The following RAPGEF4 variants were observed in gnomAD, a reference collection of about 807,000 sequenced individuals.
RAPGEF4 encodes RAP guanine-nucleotide-exchange factor (GEF) 4.
A neutral mutation model predicts 147.9 loss-of-function variants in RAPGEF4; 66 were observed. The observed-to-expected ratio is 0.45, with a 90% CI of 0.37 to 0.55. The LOEUF is 0.55. Ranked by LOEUF, RAPGEF4 falls within the 20% of genes least tolerant of loss-of-function variation. RAPGEF4 has a pLI of 0.00. For missense variants in RAPGEF4, 1,071 were observed against 1,257.3 expected (o/e 0.85, Z 2.24); for synonymous variants, 419 against 442.7 (o/e 0.95, Z 0.67).
intron 4 of RAPGEF4, among the ~76,000 whole-genome samples, chr2:172,854,680 GATTA>G (rs1450580105): frequency 1.3e-5 from 2 of 151,674 alleles, no homozygotes; most frequent in Non-Finnish European, 1.5e-5. Context: ...CCTTATTTTG[GATTA>G]ATTAATTTTT....
At chr2:172,743,610 A>G (rs1191751168) in intron 1 of RAPGEF4, among the ~76,000 whole-genome samples, 1 of 152,214 alleles carries the variant, frequency 6.6e-6, no homozygotes, top group Non-Finnish European at 1.5e-5. Context: ...TCTGCTATAG[A>G]GGCTAGAAAA....
intron 4 of RAPGEF4, chr2:172,822,086 A>G (rs749710379): frequency 6.6e-5 from 90 of 1,364,190 alleles, no homozygotes; most frequent in Non-Finnish European, 6.1e-5. Context: ...GGCTTTTCTA[A>G]TTATGTTCCA....
At chr2:172,898,516 G>A (rs1037228378) in intron 4 of RAPGEF4, among the ~76,000 whole-genome samples, 8 of 152,098 alleles carry the variant, frequency 5.3e-5, no homozygotes, top group Admixed American at 2.0e-4. Flanking sequence ...AACATCTTCC[G>A]TCATTGCAAA....
chr2:173,045,695 C>T (rs1685383890), intron 29 of RAPGEF4, among the ~76,000 whole-genome samples: 1 of 152,174 alleles, frequency 6.6e-6, no homozygotes, highest in East Asian at 1.9e-4. Context: ...AAGACTTTAA[C>T]TCAAAATGAT....
chr2:172,914,734 C>T (rs1446815069), intron 4 of RAPGEF4, among the ~76,000 whole-genome samples: 1 of 152,164 alleles, frequency 6.6e-6, no homozygotes, highest in Non-Finnish European at 1.5e-5. Flanking sequence ...TTTTACACTG[C>T]TATAAGCAAT....
At chr2:172,889,601 G>T (rs1187139662) in intron 4 of RAPGEF4, among the ~76,000 whole-genome samples, 1 of 151,634 alleles carries the variant, frequency 6.6e-6, no homozygotes, top group Admixed American at 6.6e-5. Flanking sequence ...CGCAAGGACA[G>T]GCTTTAATCA....
intron 10 of RAPGEF4, among the ~76,000 whole-genome samples, chr2:172,975,486 C>T (rs188918771): frequency 2.6e-5 from 4 of 152,174 alleles, no homozygotes; most frequent in African/African-American, 7.2e-5. Context: ...CAGCAGTATA[C>T]GTGGCTGAAC....
intron 16 of RAPGEF4, among the ~76,000 whole-genome samples, chr2:172,996,887 A>G (rs1322284876): frequency 6.6e-6 from 1 of 152,166 alleles, no homozygotes; most frequent in Non-Finnish European, 1.5e-5. Context: ...ATTCCCACGA[A>G]GGATTTGAAG....
At chr2:172,787,440 A>T (rs554292025) in intron 1 of RAPGEF4, among the ~76,000 whole-genome samples, 11 of 152,206 alleles carry the variant, frequency 7.2e-5, no homozygotes, top group African/African-American at 2.6e-4. Flanking sequence ...TGACTGTTAA[A>T]TTCATCTTGG....
chr2:172,800,006 A>G (rs1478128666), intron 3 of RAPGEF4, among the ~76,000 whole-genome samples: 1 of 152,210 alleles, frequency 6.6e-6, no homozygotes, highest in Non-Finnish European at 1.5e-5. Flanking sequence ...GTTATTAGCT[A>G]CAGATTCAAC....
chr2:172,956,223 C>T (rs1220499230), intron 6 of RAPGEF4, among the ~76,000 whole-genome samples: 1 of 152,104 alleles, frequency 6.6e-6, no homozygotes, highest in African/African-American at 2.4e-5. Context: ...CCCTCTGTCC[C>T]TTTGCTTGAG....
intron 17 of RAPGEF4, among the ~76,000 whole-genome samples, chr2:173,013,308 A>G (rs1367737847): frequency 6.6e-6 from 1 of 152,198 alleles, no homozygotes; most frequent in Admixed American, 6.5e-5. Flanking sequence ...GGTAATGGGA[A>G]GAACACTAGT....
intron 4 of RAPGEF4, among the ~76,000 whole-genome samples, chr2:172,893,367 G>A (rs752515483): frequency 5.3e-5 from 8 of 152,190 alleles, no homozygotes; most frequent in Non-Finnish European, 1.2e-4. Flanking sequence ...AGATGAAAGC[G>A]GCCACCACAT....
At chr2:172,739,831 G>A (rs150941634) in intron 1 of RAPGEF4, among the ~76,000 whole-genome samples, 8 of 152,198 alleles carry the variant, frequency 5.3e-5, no homozygotes, top group Non-Finnish European at 8.8e-5. Context: ...ACTCATTGCT[G>A]GCATTCATCA....
intron 26 of RAPGEF4, 87 bp downstream of exon 26, chr2:173,030,341 C>G: frequency 9.7e-7 from 1 of 1,027,210 alleles, no homozygotes. Flanking sequence ...AGAAATATCA[C>G]TCACACTAGT....
At chr2:172,859,611 A>G (rs558198385) in intron 4 of RAPGEF4, among the ~76,000 whole-genome samples, 13 of 152,370 alleles carry the variant, frequency 8.5e-5, no homozygotes, top group Admixed American at 8.5e-4. Flanking sequence ...GCTCATTAAA[A>G]TAAACATTTA....
chr2:172,946,497 A>C (rs1687689232), intron 6 of RAPGEF4, among the ~76,000 whole-genome samples: 1 of 152,038 alleles, frequency 6.6e-6, no homozygotes. Context: ...GTCTTCCTAC[A>C]CTTTCTCTCA....
intron 1 of RAPGEF4, among the ~76,000 whole-genome samples, chr2:172,758,441 C>G (rs1163177060): frequency 6.6e-6 from 1 of 152,088 alleles, no homozygotes; most frequent in Non-Finnish European, 1.5e-5. Context: ...CAAAAGATCA[C>G]TATGACTGCA....
At chr2:172,776,277 A>G (rs932102044) in intron 1 of RAPGEF4, among the ~76,000 whole-genome samples, 9 of 152,170 alleles carry the variant, frequency 5.9e-5, no homozygotes, top group Non-Finnish European at 1.2e-4. Context: ...AGTGCTAAAC[A>G]CAAGACAAAT....
Sources: gnomAD v4.1 joint callset for allele counts (sites outside exome capture counted in the v4.1 genomes callset) on GRCh38, gnomAD v4.1.1 for gene constraint, MANE v1.5 for transcripts, NCBI Gene and HGNC (gene_info 2026-07-23, HGNC 2026-07-21) for gene names.